The following SLC12A6 variants were observed in gnomAD, a reference collection of about 807,000 sequenced individuals.
The protein encoded by SLC12A6 is K-Cl cotransporter 3.
In SLC12A6, 66 loss-of-function variants were observed where a neutral mutation model predicts 135.3. That is an observed-to-expected ratio of 0.49 (90% CI 0.40 to 0.60). SLC12A6 has a LOEUF of 0.60. Among genes scored for constraint, SLC12A6 ranks in the 20% least tolerant of loss-of-function variants. The probability of loss-of-function intolerance (pLI) is 0.00; values close to 1 mark genes in which losing one functional copy is unlikely to be tolerated. For missense variants in SLC12A6, 1,058 were observed against 1,452.3 expected, an observed-to-expected ratio of 0.73 and a Z score of 4.41; for synonymous variants, 513 against 508.8, an observed-to-expected ratio of 1.01 and a Z score of -0.11.
At chr15:34,238,591 C>T in intron 20 of SLC12A6, 190 bp from the exon 21 acceptor site, 2 of 639,684 alleles carry the variant, frequency 3.1e-6, no homozygotes, top group South Asian at 3.6e-5. Flanking sequence ...CTGAGAACCA[C>T]AGTTTATGTT....
intron 2 of SLC12A6, among the ~76,000 whole-genome samples, chr15:34,317,657 C>A (rs1888748679): frequency 6.6e-6 from 1 of 152,118 alleles, no homozygotes; most frequent in Non-Finnish European, 1.5e-5. Context: ...AAGCCGAGAT[C>A]ACCCCACTGC....
Position 34,255,302 on chromosome 15 carries a change from G to A in SLC12A6, c.836C>T (p.Ala279Val). Residue 279 changes from alanine (A) to valine (V), a missense_variant, in exon 8 of 26, where the codon GCA (alanine) becomes GTA (valine). This residue lies in a region of SLC12A6 where 139 missense variants were observed against 202.2 expected (regional missense o/e 0.69). Transcript: ENST00000354181. ...GLCFYLGTTF[A>V]AAMYILGAIE... ...GGCACCAAGGATGTACATGGCTGCT[G>A]CAAATGTGGTACCAAGATAAAAGCA... is the stretch of plus-strand genomic sequence containing the variant. 1 of 1,610,266 alleles carries A rather than the reference G, an allele frequency of 6.2e-7. No individual in the cohort carries two copies.
intron 2 of SLC12A6, among the ~76,000 whole-genome samples, chr15:34,279,709 C>T (rs1462445922): frequency 6.6e-6 from 1 of 152,190 alleles, no homozygotes; most frequent in African/African-American, 2.4e-5. Context: ...CCAATAATGT[C>T]ACTAGTTTTA....
chr15:34,245,464 T>A, intron 14 of SLC12A6, 61 bp from the exon 15 acceptor site: 1 of 1,029,998 alleles, frequency 9.7e-7, no homozygotes, highest in Non-Finnish European at 1.5e-6. Context: ...CTGATTTCTC[T>A]AGCCTACAGT....
chr15:34,311,523 G>C (rs1188915842), intron 2 of SLC12A6, among the ~76,000 whole-genome samples: 3 of 152,142 alleles, frequency 2.0e-5, no homozygotes, highest in Non-Finnish European at 2.9e-5. Context: ...AAGATATAAA[G>C]TAATCTCTTC....
intron 2 of SLC12A6, among the ~76,000 whole-genome samples, chr15:34,334,157 C>T (rs1033652603): frequency 2.6e-5 from 4 of 151,704 alleles, no homozygotes; most frequent in African/African-American, 9.7e-5. Flanking sequence ...CAAGAAACTT[C>T]GGGTGGGAAG....
chr15:34,264,955 A>G (rs1450040742), intron 3 of SLC12A6, among the ~76,000 whole-genome samples: 1 of 152,136 alleles, frequency 6.6e-6, no homozygotes, highest in Admixed American at 6.5e-5. Flanking sequence ...CCAACACTTT[A>G]GGAGGCCGAG....
intron 5 of SLC12A6, among the ~76,000 whole-genome samples, chr15:34,258,070 CACA>C (rs1892875321): frequency 6.6e-6 from 1 of 152,228 alleles, no homozygotes; most frequent in African/African-American, 2.4e-5. Context: ...TATGTGCACC[CACA>C]ACAATTTAAA....
intron 16 of SLC12A6, 97 bp from the exon 17 acceptor site, chr15:34,242,318 T>A: frequency 1.2e-6 from 1 of 852,382 alleles, no homozygotes; most frequent in Non-Finnish European, 1.9e-6. Context: ...AGGTATTATT[T>A]TTTAAAAACT....
chr15:34,335,981 C>T (rs535942474), intron 2 of SLC12A6, among the ~76,000 whole-genome samples: 3 of 152,262 alleles, frequency 2.0e-5, no homozygotes, highest in Admixed American at 6.5e-5. Context: ...TGCTAAGATA[C>T]GACCAGTAAC....
At chr15:34,282,317 A>G (rs1894744353) in intron 2 of SLC12A6, among the ~76,000 whole-genome samples, 1 of 152,216 alleles carries the variant, frequency 6.6e-6, no homozygotes, top group African/African-American at 2.4e-5. Context: ...CTAATCTCCA[A>G]AAGAAGAATA....
At chr15:34,279,958 C>G (rs574095037) in intron 2 of SLC12A6, among the ~76,000 whole-genome samples, 3 of 152,144 alleles carry the variant, frequency 2.0e-5, no homozygotes, top group Non-Finnish European at 4.4e-5. Flanking sequence ...TTTAACTTAT[C>G]TTGGGTAAAT....
At chr15:34,244,183 TGATTAAGTAGGAAGTAGGGAAACTTA>T (rs1891835149) in intron 15 of SLC12A6, 111 bp from the exon 16 acceptor site, 2 of 742,638 alleles carry the variant, frequency 2.7e-6, no homozygotes, top group East Asian at 5.2e-5. Context: ...AACTAACCCT[TGATTAAGTAGGAAGTAGGGAAACTTA>T]AACCTCTCCC....
At position 34,236,707 on chromosome 15, in the gene SLC12A6, CCT is replaced by C. The variant is rs1402621375; in HGVS notation, c.3041_3042del (p.Glu1014GlyfsTer19). On this transcript the variant is annotated frameshift_variant and splice_region_variant, in exon 23 of 26. Coordinates refer to ENST00000354181, the MANE Select transcript of SLC12A6 (RefSeq NM_001365088.1). LOFTEE classifies it high-confidence loss of function. Reference protein sequence around the residue: ...MRLSKTERDREAQLVKDRNSM... With the variant: ...MRLSKTERDRXAQLVKDRNSM... ...ATTGGATTGATGCAGTAATGTCTCA[CCT>C]CTCTGTCTCGCTCTGTTTTGGATAG... The C allele has an allele frequency of 2.6e-6, 4 of 1,524,926 alleles. No individual in the cohort carries two copies. The allele number at this position is 1,524,926 out of a possible 1,614,324, so 94.5% of individuals were successfully genotyped here.
chr15:34,292,462 G>C (rs1326239254), intron 2 of SLC12A6, among the ~76,000 whole-genome samples: 2 of 152,194 alleles, frequency 1.3e-5, no homozygotes, highest in Non-Finnish European at 2.9e-5. Flanking sequence ...ACCACTTGAG[G>C]AGGCAGTGTG....
chr15:34,242,539 G>C (rs1180793728), intron 16 of SLC12A6, among the ~76,000 whole-genome samples: 1 of 152,146 alleles, frequency 6.6e-6, no homozygotes, highest in African/African-American at 2.4e-5. Flanking sequence ...GTTTCCAACT[G>C]CTGGAAAACC....
chr15:34,300,835 G>A (rs973929243), intron 2 of SLC12A6, among the ~76,000 whole-genome samples: 1 of 151,520 alleles, frequency 6.6e-6, no homozygotes, highest in African/African-American at 2.4e-5. Flanking sequence ...GAGCAGGTTT[G>A]GGGGCATGAG....
chr15:34,292,428 G>A (rs1332838312), intron 2 of SLC12A6, among the ~76,000 whole-genome samples: 1 of 152,168 alleles, frequency 6.6e-6, no homozygotes, highest in Non-Finnish European at 1.5e-5. Context: ...ATGTCTCCTA[G>A]TCAGGCTACA....
Position 34,241,353 on chromosome 15 carries a change from A to G in SLC12A6, c.2163-16T>C, listed in dbSNP as rs1281309957. On this transcript the variant is annotated splice_polypyrimidine_tract_variant and intron_variant, in intron 17 of 25. Coordinates refer to ENST00000354181, the MANE Select transcript of SLC12A6 (RefSeq NM_001365088.1). ...TTTCTCAGCTCTGTGAGAAAAAGAA[A>G]AGAGCAGAGACAAATTTAAACTATA... 2 of 1,359,238 alleles carry G rather than the reference A, an allele frequency of 1.5e-6. No individual in the cohort carries two copies. Among genetic ancestry groups the G allele is most frequent in the Non-Finnish European group, 2.1e-6 (2 of 947,058 alleles). 84.2% of individuals were successfully genotyped at this position (1,359,238 alleles called of 1,614,324 possible).
Sources: allele counts gnomAD v4.1 joint callset (sites outside exome capture counted in the v4.1 genomes callset), GRCh38; gene constraint gnomAD v4.1.1; regional missense constraint gnomAD v4.1.1; transcripts MANE v1.5; gene names NCBI Gene and HGNC (gene_info 2026-07-23, HGNC 2026-07-21).